Variants in CSMD1 observed in about 807,000 individuals in gnomAD.
CSMD1 encodes the protein CUB and sushi domain-containing protein 1.
A neutral mutation model predicts 417.5 loss-of-function variants in CSMD1; 213 were observed. The ratio of observed to expected loss-of-function variants is 0.51; its 90% CI spans 0.46 to 0.57. CSMD1 has a LOEUF of 0.57. Among genes scored for constraint, CSMD1 ranks in the 20% least tolerant of loss-of-function variants. The pLI is 0.00. For synonymous variants in CSMD1, 2,862 were observed against 1,736.8 expected (o/e 1.65, Z -16.11); for missense variants, 6,923 against 4,529.7 (o/e 1.53, Z -15.17).
intron 3 of CSMD1, among the ~76,000 whole-genome samples, chr8:4,388,301 G>GAC (rs1193165017): frequency 1.1e-5 from 1 of 87,542 alleles, no homozygotes; most frequent in Non-Finnish European, 2.3e-5. Context: ...AAGAAACTGT[G>GAC]ATACACACAC....
rs189225273 is a variant in CSMD1 at position 4,460,711 on chromosome 8, T to G, written c.303-40646A>C. ...TCTGGTAGTCAACAAACTGGATGACTACAAAAATACAAATTACCCAAAACT... is the reference window on the plus strand; with the variant it reads ...TCTGGTAGTCAACAAACTGGATGACGACAAAAATACAAATTACCCAAAACT... On this transcript the variant is annotated intron_variant, in intron 2 of 69. Transcript: ENST00000635120. Among the ~76,000 whole-genome samples, 94 of 152,242 alleles carry G rather than the reference T, an allele frequency of 6.2e-4. No individual in the cohort carries two copies. The East Asian group carries it at 0.017, about 27-fold the overall frequency.
chr8:3,042,094 T>C (rs1195567660), intron 50 of CSMD1, among the ~76,000 whole-genome samples: 1 of 152,114 alleles, frequency 6.6e-6, no homozygotes, highest in Non-Finnish European at 1.5e-5. Context: ...ACCTGCCAAC[T>C]CTGTTCCCAA....
chr8:3,956,150 T>C (rs1427842776), intron 5 of CSMD1, among the ~76,000 whole-genome samples: 1 of 151,114 alleles, frequency 6.6e-6, no homozygotes, highest in Non-Finnish European at 1.5e-5. Flanking sequence ...CAAAATCTAA[T>C]AATCTTAGAT....
At chr8:4,959,420 T>A (rs536542509) in intron 1 of CSMD1, among the ~76,000 whole-genome samples, 4 of 152,306 alleles carry the variant, frequency 2.6e-5, no homozygotes, top group Admixed American at 6.5e-5. Flanking sequence ...TGGACACAAG[T>A]GAGGAAAGCA....
chr8:4,084,445 T>G (rs1048129846), intron 3 of CSMD1, among the ~76,000 whole-genome samples: 3 of 152,200 alleles, frequency 2.0e-5, no homozygotes, highest in African/African-American at 7.2e-5. Flanking sequence ...ACCCTTTACA[T>G]GATTTTGTTG....
intron 1 of CSMD1, among the ~76,000 whole-genome samples, chr8:4,787,174 G>C (rs560252871): frequency 6.6e-6 from 1 of 152,238 alleles, no homozygotes; most frequent in African/African-American, 2.4e-5. Flanking sequence ...CTGTAGCGGA[G>C]CTCGGAAAGA....
chr8:3,056,837 A>G (rs900750525), intron 49 of CSMD1, among the ~76,000 whole-genome samples: 3 of 151,944 alleles, frequency 2.0e-5, no homozygotes, highest in Admixed American at 1.3e-4. Flanking sequence ...TTAAAATTAT[A>G]TATGTATATA....
At chr8:3,067,106 C>T (rs987615977) in intron 49 of CSMD1, among the ~76,000 whole-genome samples, 1 of 152,058 alleles carries the variant, frequency 6.6e-6, no homozygotes, top group African/African-American at 2.4e-5. Context: ...GAGGTCAATA[C>T]AATCAGTCTA....
intron 25 of CSMD1, 64 bp downstream of exon 25, chr8:3,307,631 C>G (rs924506144): frequency 3.5e-5 from 53 of 1,515,172 alleles, no homozygotes; most frequent in Middle Eastern, 1.7e-4. Context: ...ACCACTATCT[C>G]TGCTACAAGA....
At chr8:4,540,016 C>T (rs1797300227) in intron 2 of CSMD1, among the ~76,000 whole-genome samples, 1 of 152,166 alleles carries the variant, frequency 6.6e-6, no homozygotes, top group South Asian at 2.1e-4. Context: ...GGCCCTCTTC[C>T]CCTCCTCACT....
intron 7 of CSMD1, among the ~76,000 whole-genome samples, chr8:3,659,238 T>G (rs891553558): frequency 2.0e-5 from 3 of 152,208 alleles, no homozygotes; most frequent in African/African-American, 7.2e-5. Context: ...TTGTGTATAT[T>G]TATTCCTATG....
intron 2 of CSMD1, among the ~76,000 whole-genome samples, chr8:4,635,508 TA>T (rs1474127212): frequency 6.6e-6 from 1 of 152,028 alleles, no homozygotes; most frequent in Admixed American, 6.6e-5. Context: ...TAAATAAAAA[TA>T]TTGAGAGAAA....
At chr8:4,198,877 T>G (rs1799490653) in intron 3 of CSMD1, among the ~76,000 whole-genome samples, 1 of 152,224 alleles carries the variant, frequency 6.6e-6, no homozygotes, top group Non-Finnish European at 1.5e-5. Context: ...TTCCCCTTCC[T>G]TTTAATTTAA....
At chr8:4,972,452 CTTCCTGTGTTCA>C (rs1810299494) in intron 1 of CSMD1, among the ~76,000 whole-genome samples, 1 of 152,138 alleles carries the variant, frequency 6.6e-6, no homozygotes, top group South Asian at 2.1e-4. Flanking sequence ...TTTGGTAGTT[CTTCCTGTGTTCA>C]TTCTCCTTCC....
chr8:3,172,468 G>C (rs1820636846), intron 37 of CSMD1, among the ~76,000 whole-genome samples: 1 of 152,138 alleles, frequency 6.6e-6, no homozygotes, highest in Non-Finnish European at 1.5e-5. Flanking sequence ...CCTATAACCA[G>C]ATTTAGGTGT....
At chr8:4,472,543 T>A (rs1205535653) in intron 2 of CSMD1, among the ~76,000 whole-genome samples, 3 of 152,124 alleles carry the variant, frequency 2.0e-5, no homozygotes, top group Admixed American at 6.6e-5. Flanking sequence ...GTATTTAGAA[T>A]TATATTCCAA....
At chr8:4,958,465 A>T (rs1809265236) in intron 1 of CSMD1, among the ~76,000 whole-genome samples, 1 of 152,182 alleles carries the variant, frequency 6.6e-6, no homozygotes, top group African/African-American at 2.4e-5. Context: ...AGAAAACTGC[A>T]ATATATATTG....
Position 4,903,869 on chromosome 8 carries a change from G to A in CSMD1, c.85+90463C>T, listed in dbSNP as rs114601710. On this transcript the variant is annotated intron_variant, in intron 1 of 69. Coordinates refer to ENST00000635120, the MANE Select transcript of CSMD1 (RefSeq NM_033225.6). ...ATCCCTTGATTTAACCACATCAGCTGCATGGATGCCTTCAACGCCGATAAT... is the reference window on the plus strand; with the variant it reads ...ATCCCTTGATTTAACCACATCAGCTACATGGATGCCTTCAACGCCGATAAT... Among the ~76,000 whole-genome samples the A allele has an allele frequency of 7.0e-3, 1,068 of 152,272 alleles. 12 individuals are homozygous for A. The highest frequency in any genetic ancestry group is 0.024 in the African/African-American group (1,013 of 41,550).
At chr8:3,505,925 T>G (rs1585269671) in intron 10 of CSMD1, among the ~76,000 whole-genome samples, 2 of 152,198 alleles carry the variant, frequency 1.3e-5, no homozygotes, top group South Asian at 2.1e-4. Flanking sequence ...ACAAATACAC[T>G]AAAAAGAATG....
Sources: gnomAD v4.1 joint callset for allele counts (sites outside exome capture counted in the v4.1 genomes callset) on GRCh38, gnomAD v4.1.1 for gene constraint, MANE v1.5 for transcripts, NCBI Gene and HGNC (gene_info 2026-07-23, HGNC 2026-07-21) for gene names.